Variants in PSMA1 observed in about 807,000 individuals in gnomAD.
PSMA1 encodes proteasome subunit alpha type-1.
PSMA1 carries 3 observed loss-of-function variants against 38.4 expected under a neutral mutation model. The ratio of observed to expected loss-of-function variants is 0.08; its 90% CI spans 0.04 to 0.20. PSMA1 has a LOEUF of 0.20. Ranked by LOEUF, PSMA1 falls within the 10% of genes least tolerant of loss-of-function variation. PSMA1 has a pLI of 1.00. For synonymous variants in PSMA1, 101 were observed against 107.1 expected, an observed-to-expected ratio of 0.94 and a Z score of 0.35; for missense variants, 227 against 325.3, an observed-to-expected ratio of 0.70 and a Z score of 2.32.
intron 2 of PSMA1, among the ~76,000 whole-genome samples, chr11:14,596,551 T>C (rs1047822118): frequency 6.6e-6 from 1 of 152,260 alleles, no homozygotes; most frequent in African/African-American, 2.4e-5. Flanking sequence ...TGTTTGTCTT[T>C]TAATGGTGTA....
At chr11:14,540,981 C>A (rs1306350685) in intron 2 of PSMA1, among the ~76,000 whole-genome samples, 1 of 151,986 alleles carries the variant, frequency 6.6e-6, no homozygotes, top group Non-Finnish European at 1.5e-5. Flanking sequence ...GGAGATATAT[C>A]TAATGTAAAT....
At chr11:14,639,051 T>G (rs559942360) in intron 1 of PSMA1, among the ~76,000 whole-genome samples, 1 of 152,186 alleles carries the variant, frequency 6.6e-6, no homozygotes, top group African/African-American at 2.4e-5. Flanking sequence ...AGTAAATTTG[T>G]GTCAGAGATA....
At chr11:14,614,492 C>A (rs1433704633) in intron 1 of PSMA1, among the ~76,000 whole-genome samples, 1 of 152,002 alleles carries the variant, frequency 6.6e-6, no homozygotes, top group African/African-American at 2.4e-5. Flanking sequence ...CTGTTCATTG[C>A]CAACTAGATA....
rs201777701 is a variant in PSMA1 at position 14,576,163 on chromosome 11, T to C, written c.21+34803A>G. Among the ~76,000 whole-genome samples, 8 of 152,342 alleles carry C rather than the reference T, an allele frequency of 5.3e-5. No homozygotes were observed. In the East Asian group the frequency reaches 1.3e-3, roughly 26 times the overall value. ...CTTGTAAATTTGTTTAAATTCTTTG[T>C]AGATTCTGGATATTAGCCCTTTGTC... On this transcript the variant is annotated intron_variant, in intron 2 of 10. Transcript: ENST00000418988.
chr11:14,638,304 A>G (rs974377034), intron 1 of PSMA1, among the ~76,000 whole-genome samples: 3 of 152,028 alleles, frequency 2.0e-5, no homozygotes, highest in Admixed American at 2.0e-4. Context: ...TCCTATTTGC[A>G]ATGATAATAT....
At chr11:14,573,036 CA>C (rs906281322) in intron 2 of PSMA1, among the ~76,000 whole-genome samples, 27 of 152,062 alleles carry the variant, frequency 1.8e-4, no homozygotes, top group African/African-American at 5.8e-4. Flanking sequence ...GCCTACCAAC[CA>C]AAAAAAGTCC....
At chr11:14,594,225 C>G (rs1470699190) in intron 2 of PSMA1, among the ~76,000 whole-genome samples, 1 of 152,144 alleles carries the variant, frequency 6.6e-6, no homozygotes, top group Non-Finnish European at 1.5e-5. Context: ...TTAAGTTTTT[C>G]TGTTACTGGT....
At chr11:14,636,652 C>A (rs1164285036) in intron 1 of PSMA1, among the ~76,000 whole-genome samples, 3 of 152,220 alleles carry the variant, frequency 2.0e-5, no homozygotes, top group Admixed American at 2.0e-4. Flanking sequence ...AACATTCCCA[C>A]TTGGATTCAA....
intron 1 of PSMA1, among the ~76,000 whole-genome samples, chr11:14,619,745 T>C (rs1852819006): frequency 6.6e-6 from 1 of 152,196 alleles, no homozygotes; most frequent in Admixed American, 6.5e-5. Context: ...ACTCTCTTAG[T>C]ACCCTCAAAG....
chr11:14,635,034 A>G (rs1853094693), intron 1 of PSMA1, among the ~76,000 whole-genome samples: 2 of 152,220 alleles, frequency 1.3e-5, no homozygotes, highest in South Asian at 2.1e-4. Flanking sequence ...TTATAGCACA[A>G]TAAAACCTCA....
intron 7 of PSMA1, chr11:14,513,364 T>C: frequency 2.1e-6 from 1 of 480,640 alleles, no homozygotes; most frequent in Non-Finnish European, 3.3e-6. Context: ...GAAAAAGTTC[T>C]ACTCGTGCTT....
chr11:14,560,984 A>G (rs1852001368), intron 2 of PSMA1, among the ~76,000 whole-genome samples: 1 of 152,234 alleles, frequency 6.6e-6, no homozygotes, highest in Non-Finnish European at 1.5e-5. Context: ...TTTTAACAGC[A>G]GTTAACCTTG....
chr11:14,582,213 T>C (rs1179604311), intron 2 of PSMA1, among the ~76,000 whole-genome samples: 1 of 152,220 alleles, frequency 6.6e-6, no homozygotes, highest in Non-Finnish European at 1.5e-5. Flanking sequence ...TTATTTAGAA[T>C]GAGAAAATAA....
chr11:14,612,861 C>T (rs1852726182), intron 1 of PSMA1, among the ~76,000 whole-genome samples: 1 of 152,048 alleles, frequency 6.6e-6, no homozygotes, highest in African/African-American at 2.4e-5. Flanking sequence ...ATACTTCCTT[C>T]CTTAGAAAGG....
intron 2 of PSMA1, among the ~76,000 whole-genome samples, chr11:14,566,524 TTGTTAGGCTA>T (rs1852073673): frequency 6.6e-6 from 1 of 152,212 alleles, no homozygotes; most frequent in Non-Finnish European, 1.5e-5. Flanking sequence ...TGCTTACTGC[TTGTTAGGCTA>T]TGATAGGCCC....
At chr11:14,540,922 C>T (rs1034041112) in intron 2 of PSMA1, among the ~76,000 whole-genome samples, 1 of 150,704 alleles carries the variant, frequency 6.6e-6, no homozygotes, top group Non-Finnish European at 1.5e-5. Flanking sequence ...GGGAACATCA[C>T]ACACCAGGGC....
intron 2 of PSMA1, among the ~76,000 whole-genome samples, chr11:14,526,516 C>T (rs1851587452): frequency 6.6e-6 from 1 of 152,182 alleles, no homozygotes; most frequent in African/African-American, 2.4e-5. Context: ...TAGAGGCCCT[C>T]AAAATCACAA....
chr11:14,563,819 CT>C (rs1375106101), intron 2 of PSMA1, among the ~76,000 whole-genome samples: 6 of 152,056 alleles, frequency 3.9e-5, no homozygotes, highest in African/African-American at 1.4e-4. Flanking sequence ...AATATGCATA[CT>C]TAATATATTT....
At chr11:14,639,262 G>GGA (rs1554974776) in intron 1 of PSMA1, among the ~76,000 whole-genome samples, 3 of 151,606 alleles carry the variant, frequency 2.0e-5, no homozygotes, top group Admixed American at 6.6e-5. Flanking sequence ...GTAAATCTAG[G>GGA]AAAAAGGGTT....
Sources: allele counts gnomAD v4.1 joint callset (sites outside exome capture counted in the v4.1 genomes callset), GRCh38; gene constraint gnomAD v4.1.1; transcripts MANE v1.5; gene names NCBI Gene and HGNC (gene_info 2026-07-23, HGNC 2026-07-21).